NUP43: variants seen among roughly 807,000 people sequenced by gnomAD.
NUP43 encodes the protein nucleoporin Nup43.
A neutral mutation model predicts 47.3 loss-of-function variants in NUP43; 32 were observed. That is an observed-to-expected ratio of 0.68 (90% CI 0.51 to 0.91). The LOEUF is 0.91. Among genes scored for constraint, NUP43 ranks in the 40% least tolerant of loss-of-function variants. NUP43 has a pLI of 0.00. For missense variants in NUP43, 444 were observed against 453.9 expected, an observed-to-expected ratio of 0.98 and a Z score of 0.20; for synonymous variants, 147 against 158.4, an observed-to-expected ratio of 0.93 and a Z score of 0.54.
chr6:149,748,919 C>G (rs539412412), upstream of NUP43, among the ~76,000 whole-genome samples: 1 of 151,212 alleles, frequency 6.6e-6, no homozygotes, highest in South Asian at 2.1e-4. Context: ...AAGCAATGTT[C>G]TCAGTGAGCT....
At chr6:149,729,429 G>A (rs1001050478) in intron 7 of NUP43, 43 of 592,366 alleles carry the variant, frequency 7.3e-5, no homozygotes, top group Non-Finnish European at 8.5e-5. Flanking sequence ...TGACTGGAAG[G>A]CGGAAGGGAG....
chr6:149,746,674 C>A (rs767879437), upstream of NUP43: 27 of 1,549,274 alleles, frequency 1.7e-5, no homozygotes, highest in South Asian at 2.8e-4. Flanking sequence ...GAGAGGCCCA[C>A]CCATCTCACA....
intron 5 of NUP43, among the ~76,000 whole-genome samples, chr6:149,737,838 G>A (rs1301998508): frequency 2.0e-5 from 3 of 151,994 alleles, no homozygotes; most frequent in Admixed American, 6.6e-5. Flanking sequence ...CTATAGGCAC[G>A]TGCCACCATG....
upstream of NUP43, among the ~76,000 whole-genome samples, chr6:149,748,668 G>C (rs958064547): frequency 6.6e-6 from 1 of 151,956 alleles, no homozygotes; most frequent in African/African-American, 2.4e-5. Context: ...AATTAGCCGG[G>C]CGTGGTGGCG....
intron 6 of NUP43, among the ~76,000 whole-genome samples, chr6:149,733,748 A>G (rs934866698): frequency 6.6e-6 from 1 of 151,868 alleles, no homozygotes; most frequent in Non-Finnish European, 1.5e-5. Flanking sequence ...GCCCAGCCCC[A>G]AAGAAATTCT....
At chr6:149,741,346 G>C (rs1785643816) in intron 4 of NUP43, among the ~76,000 whole-genome samples, 1 of 151,854 alleles carries the variant, frequency 6.6e-6, no homozygotes, top group Admixed American at 6.6e-5. Context: ...GCTAATTTTT[G>C]TATTTTTAGT....
chr6:149,738,905 T>C (rs1439368089), intron 4 of NUP43, 127 bp from the exon 5 acceptor site: 11 of 492,680 alleles, frequency 2.2e-5, no homozygotes, highest in Middle Eastern at 4.3e-4. Flanking sequence ...TAAATTTCTA[T>C]AGAAAAATGC....
At chr6:149,747,664 T>G (rs1786082984), upstream of NUP43, among the ~76,000 whole-genome samples, 2 of 152,328 alleles carry the variant, frequency 1.3e-5, no homozygotes, top group South Asian at 4.1e-4. Flanking sequence ...CCCATTAGAA[T>G]GTAAATCCTA....
At chr6:149,742,013 C>T (rs1416582381) in intron 4 of NUP43, among the ~76,000 whole-genome samples, 1 of 152,058 alleles carries the variant, frequency 6.6e-6, no homozygotes, top group Admixed American at 6.6e-5. Flanking sequence ...CATGCGCCAC[C>T]ACGCCTGGCT....
At chr6:149,742,201 GT>G (rs1249681023) in intron 4 of NUP43, among the ~76,000 whole-genome samples, 188 bp downstream of exon 4, 1 of 152,134 alleles carries the variant, frequency 6.6e-6, no homozygotes. Flanking sequence ...AAATTCTGTA[GT>G]TTTAGTAGAG....
chr6:149,736,409 G>C, intron 6 of NUP43, 62 bp downstream of exon 6: 1 of 1,196,662 alleles, frequency 8.4e-7, no homozygotes, highest in African/African-American at 1.5e-5. Flanking sequence ...TTATGGAAAG[G>C]TGCTTATTAT....
At chr6:149,746,959 T>C (rs1025529216), upstream of NUP43, among the ~76,000 whole-genome samples, 1 of 152,220 alleles carries the variant, frequency 6.6e-6, no homozygotes, top group Non-Finnish European at 1.5e-5. Flanking sequence ...CTCCCTCTTG[T>C]CTCCCAAACA....
At chr6:149,730,031 C>T (rs567300422) in intron 7 of NUP43, among the ~76,000 whole-genome samples, 278 of 147,230 alleles carry the variant, frequency 1.9e-3, no homozygotes, top group Non-Finnish European at 3.2e-3. Flanking sequence ...TTTTTTGAGA[C>T]GGAGTTTCGC....
intron 5 of NUP43, 25 bp from the exon 6 acceptor site, chr6:149,736,647 T>G (rs1008548324): frequency 6.5e-7 from 1 of 1,547,666 alleles, no homozygotes; most frequent in African/African-American, 1.4e-5. Context: ...AACAATGACG[T>G]CAAAATCAAA....
chr6:149,746,348 A>G (rs187663607), intron 1 of NUP43, 28 bp downstream of exon 1: 6 of 1,609,420 alleles, frequency 3.7e-6, no homozygotes, highest in African/African-American at 1.3e-5. Context: ...GGGAGGAGGT[A>G]GGGGCTCGTC....
intron 4 of NUP43, 56 bp downstream of exon 4, chr6:149,742,334 G>GT (rs1785706403): frequency 8.4e-6 from 13 of 1,542,670 alleles, no homozygotes; most frequent in Non-Finnish European, 1.2e-5. Flanking sequence ...CCTAACTTTT[G>GT]TATTTTTAGA....
At chr6:149,742,852 T>C (rs1392412003) in intron 3 of NUP43, among the ~76,000 whole-genome samples, 1 of 152,196 alleles carries the variant, frequency 6.6e-6, no homozygotes, top group African/African-American at 2.4e-5. Flanking sequence ...CAACTCTTTG[T>C]ATTCTTATGG....
intron 3 of NUP43, among the ~76,000 whole-genome samples, chr6:149,743,429 C>T (rs1423498104): frequency 1.3e-5 from 2 of 151,696 alleles, no homozygotes; most frequent in East Asian, 3.9e-4. Flanking sequence ...AACCCCGTCT[C>T]TACTAAAAAT....
chr6:149,729,093 C>T (rs1417139552), intron 7 of NUP43, among the ~76,000 whole-genome samples: 1 of 152,064 alleles, frequency 6.6e-6, no homozygotes, highest in Non-Finnish European at 1.5e-5. Context: ...CGGGTTCAAG[C>T]AATTCTCCTG....
Sources: gnomAD v4.1 joint callset for allele counts (sites outside exome capture counted in the v4.1 genomes callset) on GRCh38, gnomAD v4.1.1 for gene constraint, MANE v1.5 for transcripts, NCBI Gene and HGNC (gene_info 2026-07-23, HGNC 2026-07-21) for gene names.